Variants in CARD19 observed in about 807,000 individuals in gnomAD.
The protein encoded by CARD19 is caspase recruitment domain-containing protein 19.
In CARD19, 25 loss-of-function variants were observed where a neutral mutation model predicts 24.1. That is an observed-to-expected ratio of 1.04 (90% confidence interval 0.76 to 1.45). The LOEUF is 1.45. Among genes scored for constraint, CARD19 ranks in the 40% most tolerant of loss-of-function variants. The pLI is 0.00. For synonymous variants in CARD19, 103 were observed against 104.9 expected (o/e 0.98, Z 0.11); for missense variants, 241 against 247.4 (o/e 0.97, Z 0.17).
intron 1 of CARD19, among the ~76,000 whole-genome samples, chr9:93,107,357 G>A (rs1352116971): frequency 6.6e-6 from 1 of 152,236 alleles, no homozygotes; most frequent in Non-Finnish European, 1.5e-5. Flanking sequence ...ATTTCCTGAT[G>A]GCCCTGCAGG....
chr9:93,110,422 G>A (rs1827422211), intron 2 of CARD19, 146 bp from the exon 3 acceptor site: 2 of 1,321,706 alleles, frequency 1.5e-6, no homozygotes, highest in Non-Finnish European at 2.0e-6. Flanking sequence ...TGGGTAAGGG[G>A]CAGGTTGTCA....
intron 1 of CARD19, among the ~76,000 whole-genome samples, chr9:93,105,191 TGTGTGC>T (rs1193856338): frequency 0.048 from 1,286 of 26,740 alleles, 11 homozygotes; most frequent in African/African-American, 0.14. Flanking sequence ...CGCGCGTGTG[TGTGTGC>T]GTGTGTGTGT....
At chr9:93,111,444 G>A (rs957044409) in intron 3 of CARD19, 4 of 1,070,840 alleles carry the variant, frequency 3.7e-6, no homozygotes, top group East Asian at 7.7e-5. Flanking sequence ...GGGACTGGGC[G>A]GCTTGTCCCA....
At chr9:93,102,278 G>C (rs867880175) in intron 1 of CARD19, among the ~76,000 whole-genome samples, 34 of 152,070 alleles carry the variant, frequency 2.2e-4, no homozygotes, top group Admixed American at 1.8e-3. Flanking sequence ...GGCCTGATGA[G>C]CATTTTTTTG....
chr9:93,102,285 T>G (rs909090491), intron 1 of CARD19, among the ~76,000 whole-genome samples: 1 of 152,172 alleles, frequency 6.6e-6, no homozygotes, highest in African/African-American at 2.4e-5. Flanking sequence ...TGAGCATTTT[T>G]TTGTGTGCTT....
rs10693165 is a variant in CARD19, at chr9:93,098,900, C to CTTTT, written c.7+2564_7+2567dup. Among the ~76,000 whole-genome samples the CTTTT allele has an allele frequency of 9.7e-4, 117 of 120,358 alleles. 2 individuals are homozygous for CTTTT. The highest frequency in any genetic ancestry group is 4.5e-3 in the Middle Eastern group (1 of 222). 79.0% of individuals were successfully genotyped at this position (120,358 alleles called of 152,430 possible). A position where few individuals can be genotyped will look rare whatever the true frequency, so the allele number is the denominator to read the frequency against. On this transcript the variant is annotated intron_variant, in intron 1 of 5. Transcript: ENST00000375464. ...GTCTTGGACCATACATTGCAGAACTCTTTTTTTTTTTTTTTTTTTGAGACA... is the reference window on the plus strand; with the variant it reads ...GTCTTGGACCATACATTGCAGAACTCTTTTTTTTTTTTTTTTTTTTTTTGAGACA...
intron 1 of CARD19, among the ~76,000 whole-genome samples, chr9:93,098,654 C>T (rs1330099999): frequency 1.3e-5 from 2 of 152,236 alleles, no homozygotes. Context: ...CAAGTGCTGC[C>T]TGTTTGTGTG....
intron 1 of CARD19, among the ~76,000 whole-genome samples, chr9:93,101,465 G>A (rs1246790045): frequency 8.5e-5 from 12 of 140,986 alleles, no homozygotes; most frequent in East Asian, 4.2e-4. Context: ...TTTTTGAGAC[G>A]GAGTCTCACT....
chr9:93,110,297 C>T (rs1827416675), intron 2 of CARD19: 1 of 478,240 alleles, frequency 2.1e-6, no homozygotes, highest in Admixed American at 3.8e-5. Context: ...ACCTTGCCAG[C>T]CCCATGCTTT....
In CARD19 at chr9:93,096,454, G is replaced by T; in HGVS notation, c.7+102G>T. 9.3e-7 allele frequency: 1 copy of T among 1,079,456 alleles called. No homozygotes were observed. The highest frequency in any genetic ancestry group is 1.2e-6 in the Non-Finnish European group (1 of 852,020). 66.9% of individuals were successfully genotyped at this position (1,079,456 alleles called of 1,614,324 possible). On this transcript the variant is annotated intron_variant, in intron 1 of 5. Coordinates refer to ENST00000375464, the MANE Select transcript of CARD19 (RefSeq NM_032310.5). The surrounding 1 kb of genome is among the most constrained non-coding windows in gnomAD (Gnocchi z 5.4). ...TGCGAGTCGCCTGCAGGCCGCGCCT[G>T]GGCAGCGGGGGCCGAGTGACCTTGG... is the stretch of plus-strand genomic sequence containing the variant.
At chr9:93,110,448 A>C (rs548405893) in intron 2 of CARD19, 120 bp from the exon 3 acceptor site, 3 of 1,479,432 alleles carry the variant, frequency 2.0e-6, no homozygotes, top group Admixed American at 2.3e-5. Flanking sequence ...GCTGCCATCC[A>C]GCAGGTGTCC....
intron 2 of CARD19, 152 bp downstream of exon 2, chr9:93,107,968 T>G (rs1827327130): frequency 9.4e-7 from 1 of 1,068,986 alleles, no homozygotes; most frequent in African/African-American, 1.6e-5. Flanking sequence ...TGGACCTGGC[T>G]ACTAAGGCTG....
At chr9:93,105,662 G>A (rs1827227673) in intron 1 of CARD19, among the ~76,000 whole-genome samples, 1 of 152,172 alleles carries the variant, frequency 6.6e-6, no homozygotes, top group African/African-American at 2.4e-5. Context: ...TATGTGATCA[G>A]AAAATATTTT....
chr9:93,111,343 A>AT, intron 3 of CARD19: 4 of 1,119,174 alleles, frequency 3.6e-6, no homozygotes, highest in Non-Finnish European at 4.4e-6. Flanking sequence ...CAAGTTGAAG[A>AT]TGGCAACTCT....
At position 93,096,805 on chromosome 9, in the gene CARD19, C is replaced by A. The variant is rs1564203935; in HGVS notation, c.7+453C>A. Among the ~76,000 whole-genome samples the A allele has an allele frequency of 6.6e-6, 1 of 152,212 alleles. No individual in the cohort carries two copies. The highest frequency in any genetic ancestry group is 6.5e-5 in the Admixed American group (1 of 15,288). On this transcript the variant is annotated intron_variant, in intron 1 of 5. Coordinates refer to ENST00000375464, the MANE Select transcript of CARD19 (RefSeq NM_032310.5). The surrounding 1 kb of genome is among the most constrained non-coding windows in gnomAD (Gnocchi z 5.4). Reference sequence around the variant, plus strand: ...CCACGGAAACAACGCTCCATCCTTACAACCACCCCAGCGAGGTCGCGGGAC... The same window carrying A: ...CCACGGAAACAACGCTCCATCCTTAAAACCACCCCAGCGAGGTCGCGGGAC...
chr9:93,111,782 C>T, intron 3 of CARD19, 97 bp from the exon 4 acceptor site: 1 of 1,541,502 alleles, frequency 6.5e-7, no homozygotes, highest in Non-Finnish European at 8.8e-7. Context: ...CCTGGCGGCC[C>T]CAGGAGGCAG....
In CARD19 at chr9:93,110,530, C is replaced by T. The variant is rs1164245716; in HGVS notation, c.151-38C>T. On this transcript the variant is annotated intron_variant, in intron 2 of 5. Coordinates refer to ENST00000375464, the MANE Select transcript of CARD19 (RefSeq NM_032310.5). Reference sequence around the variant, plus strand: ...CTGCCCTGACCCACAGCCAGCCCCCCTGGCCTGATCTTCCCTGGCACCCCC... The same window carrying T: ...CTGCCCTGACCCACAGCCAGCCCCCTTGGCCTGATCTTCCCTGGCACCCCC... 1.9e-6 allele frequency: 3 copies of T among 1,560,102 alleles called. No homozygotes were observed. The African/African-American group carries it at 4.0e-5, about 21-fold the overall frequency.
chr9:93,107,939 G>T (rs1827326564), intron 2 of CARD19, 123 bp downstream of exon 2: 3 of 1,292,614 alleles, frequency 2.3e-6, no homozygotes, highest in African/African-American at 2.9e-5. Context: ...GGTATGTCAG[G>T]ATTCAGAGGT....
chr9:93,111,142 C>T (rs992082733), intron 3 of CARD19: 1 of 1,223,166 alleles, frequency 8.2e-7, no homozygotes, highest in Non-Finnish European at 1.0e-6. Context: ...CATGACGGAC[C>T]CTTTCATTGC....
Sources: gnomAD v4.1 joint callset for allele counts (sites outside exome capture counted in the v4.1 genomes callset) on GRCh38, gnomAD v4.1.1 for gene constraint, Gnocchi (gnomAD v3.1) non-coding constraint, MANE v1.5 for transcripts, NCBI Gene and HGNC (gene_info 2026-07-23, HGNC 2026-07-21) for gene names.